Variants in ABCB11 observed in about 807,000 individuals in gnomAD.
The protein encoded by ABCB11 is bile salt export pump.
ABCB11 carries 95 observed loss-of-function variants against 148.0 expected under a neutral mutation model. The observed-to-expected ratio is 0.64, with a 90% confidence interval of 0.54 to 0.76. ABCB11 has a LOEUF of 0.76. Among genes scored for constraint, ABCB11 ranks in the 30% least tolerant of loss-of-function variants. ABCB11 has a pLI of 0.00. For synonymous variants in ABCB11, 591 were observed against 555.4 expected, an observed-to-expected ratio of 1.06 and a Z score of -0.90; for missense variants, 1,523 against 1,617.8, an observed-to-expected ratio of 0.94 and a Z score of 1.01.
rs576821034 is a variant in ABCB11, at chr2:169,018,286, C to T, written c.-27-134G>A. The T allele has an allele frequency of 4.8e-4, 352 of 733,254 alleles. 1 individual carries two copies. Among genetic ancestry groups the T allele is most frequent in the Non-Finnish European group, 6.3e-4 (286 of 457,402 alleles). The allele number at this position is 733,254 out of a possible 1,614,324, so 45.4% of individuals were successfully genotyped here. ...CAATCTCAGACAAAAGTTTTAAAAT[C>T]GGTTAATAACTCCCTGAAAGAGCCT... On this transcript the variant is annotated intron_variant, in intron 1 of 27. Transcript: ENST00000650372.
At chr2:168,994,466 C>T (rs1410684731) in intron 7 of ABCB11, among the ~76,000 whole-genome samples, 1 of 152,048 alleles carries the variant, frequency 6.6e-6, no homozygotes. Flanking sequence ...AGTTACTTAA[C>T]CTTTTTGTGG....
At position 168,973,845 on chromosome 2, in the gene ABCB11, A is replaced by G. The variant is rs1248856155; in HGVS notation, c.1309-5T>C. ...CATGTTGAGGTCATTTAGAATCTGG[A>G]GAAGAAAGAAAACAGCAAAGTTCAG... On this transcript the variant is annotated splice_region_variant and splice_polypyrimidine_tract_variant and intron_variant, in intron 12 of 27. Transcript: ENST00000650372. 1.2e-6 allele frequency: 2 copies of G among 1,610,474 alleles called. No homozygotes were observed. The highest frequency in any genetic ancestry group is 1.7e-6 in the Non-Finnish European group (2 of 1,177,444).
In ABCB11 at chr2:168,973,810, GT is replaced by G; in HGVS notation, c.1338del (p.Lys446AsnfsTer5). On this transcript the variant is annotated frameshift_variant, in exon 13 of 28. Transcript: ENST00000650372. LOFTEE classifies it high-confidence loss of function. ...CCTACCAGAGCTGTCATTTCCCCTGGTTTAATGACCATGTTGAGGTCATTTA... is the reference window on the plus strand; with the variant it reads ...CCTACCAGAGCTGTCATTTCCCCTGGTTAATGACCATGTTGAGGTCATTTA... ...KILNDLNMVI[K>X]PGEMTALVGP... 1 of 1,611,958 alleles carries G rather than the reference GT, an allele frequency of 6.2e-7. No individual in the cohort carries two copies. Among genetic ancestry groups the G allele is most frequent in the East Asian group, 2.2e-5 (1 of 44,802 alleles).
rs1406499061 is a variant in ABCB11, at chr2:168,975,316, G to T, written c.1308+1261C>A. 3.9e-3 allele frequency among the ~76,000 whole-genome samples: 138 copies of T among 35,346 alleles called. 39 individuals are homozygous for T. Among genetic ancestry groups the T allele is most frequent in the Admixed American group, 0.013 (52 of 4,082 alleles). 23.2% of individuals were successfully genotyped at this position (35,346 alleles called of 152,430 possible). A position where few individuals can be genotyped will look rare whatever the true frequency, so the allele number is the denominator to read the frequency against. ...ATATTTTTATATTTAAATATTTATA[G>T]ATAAATATATAAATATATAAATATT... On this transcript the variant is annotated intron_variant, in intron 12 of 27. Coordinates refer to ENST00000650372, the MANE Select transcript of ABCB11 (RefSeq NM_003742.4).
At chr2:168,945,399 G>A (rs1010509569) in intron 19 of ABCB11, among the ~76,000 whole-genome samples, 4 of 151,892 alleles carry the variant, frequency 2.6e-5, no homozygotes, top group African/African-American at 4.8e-5. Flanking sequence ...AAAACCTGGT[G>A]AATGAAAACC....
intron 14 of ABCB11, among the ~76,000 whole-genome samples, chr2:168,970,870 G>C (rs1440067684): frequency 3.9e-5 from 6 of 151,974 alleles, no homozygotes; most frequent in African/African-American, 1.4e-4. Flanking sequence ...TGCAACTGAT[G>C]AATAAGGAAA....
rs559556918 is a variant in ABCB11, at chr2:168,922,520, G to C, written c.*1102C>G. ...TTTTACATCTTGAAACTTTCTAGGGGTCTGTGGTACAAAACAGGATGTTTC... is the reference window on the plus strand; with the variant it reads ...TTTTACATCTTGAAACTTTCTAGGGCTCTGTGGTACAAAACAGGATGTTTC... On this transcript the variant is annotated 3_prime_UTR_variant, in exon 28 of 28. Transcript: ENST00000650372. Among the ~76,000 whole-genome samples the C allele has an allele frequency of 6.6e-6, 1 of 152,108 alleles. No homozygotes were observed. The highest frequency in any genetic ancestry group is 2.1e-4 in the South Asian group (1 of 4,826).
intron 15 of ABCB11, 131 bp from the exon 16 acceptor site, chr2:168,969,682 G>C: frequency 2.4e-6 from 2 of 848,754 alleles, no homozygotes; most frequent in South Asian, 3.7e-5. Context: ...AGGCTGTGCA[G>C]ACATTAGAAA....
intron 9 of ABCB11, among the ~76,000 whole-genome samples, chr2:168,988,172 T>A (rs966242682): frequency 3.9e-5 from 6 of 152,150 alleles, no homozygotes; most frequent in African/African-American, 1.2e-4. Context: ...TTAAAACAAC[T>A]ACAATTAGAT....
intron 9 of ABCB11, among the ~76,000 whole-genome samples, chr2:168,987,260 G>A (rs925809657): frequency 6.6e-6 from 1 of 151,990 alleles, no homozygotes; most frequent in African/African-American, 2.4e-5. Flanking sequence ...CTATTCAGTT[G>A]GTAGCTATTT....
intron 5 of ABCB11, among the ~76,000 whole-genome samples, chr2:169,010,379 C>A (rs1255391881): frequency 6.6e-6 from 1 of 152,070 alleles, no homozygotes; most frequent in African/African-American, 2.4e-5. Flanking sequence ...ACTCTGTAAT[C>A]CTTATCAGTG....
chr2:169,002,442 T>C (rs1694904587), intron 5 of ABCB11, among the ~76,000 whole-genome samples: 1 of 152,164 alleles, frequency 6.6e-6, no homozygotes, highest in Non-Finnish European at 1.5e-5. Context: ...AGCAATCCTA[T>C]ACTGGGTATA....
In ABCB11 at chr2:169,006,426, C is replaced by T. The variant is rs72623183; in HGVS notation, c.389+6846G>A. Among the ~76,000 whole-genome samples, 2,258 of 152,212 alleles carry T rather than the reference C, an allele frequency of 0.015. 244 individuals carry two copies. The East Asian group carries it at 0.29, about 20-fold the overall frequency. ...AAGGACACTTGTGAAAAAGTCATAGCTAATGCCATACTTAATGGTGAAAGA... is the reference window on the plus strand; with the variant it reads ...AAGGACACTTGTGAAAAAGTCATAGTTAATGCCATACTTAATGGTGAAAGA... On this transcript the variant is annotated intron_variant, in intron 5 of 27. Coordinates refer to ENST00000650372, the MANE Select transcript of ABCB11 (RefSeq NM_003742.4).
chr2:168,924,842 T>G, intron 26 of ABCB11, 39 bp from the exon 27 acceptor site: 1 of 1,585,944 alleles, frequency 6.3e-7, no homozygotes, highest in Non-Finnish European at 8.6e-7. Context: ...ATAGAAACAG[T>G]TATTGCTCCT....
At chr2:169,010,860 G>T (rs1372563719) in intron 5 of ABCB11, among the ~76,000 whole-genome samples, 2 of 152,104 alleles carry the variant, frequency 1.3e-5, no homozygotes, top group Non-Finnish European at 2.9e-5. Context: ...GCCTAGAAAG[G>T]TATAGTCTAT....
intron 21 of ABCB11, 66 bp from the exon 22 acceptor site, chr2:168,936,499 A>C: frequency 1.4e-6 from 2 of 1,472,098 alleles, no homozygotes; most frequent in South Asian, 2.3e-5. Context: ...ACCATTACAC[A>C]AAAAGGTCAG....
chr2:168,976,685 T>C lies in ABCB11; in HGVS notation c.1200A>G (p.Lys400=), dbSNP rs1693921444. 1 of 1,601,390 alleles carries C rather than the reference T, an allele frequency of 6.2e-7. No homozygotes were observed. The highest frequency in any genetic ancestry group is 8.6e-7 in the Non-Finnish European group (1 of 1,169,284). Residue 400 remains lysine (K), a splice_region_variant and synonymous_variant, in exon 12 of 28, where the codon AAA becomes AAG. Transcript: ENST00000650372. The part of the protein sequence containing the change: ...ATSIFETIDR[K]PIIDCMSEDG... ...CTTCTGACATGCAGTCAATGATGGG[T>C]TTCTGGAGTGAAATACAAAAGGGAC...
chr2:169,016,705 C>T (rs1695367419), intron 3 of ABCB11, 73 bp downstream of exon 3: 1 of 1,259,682 alleles, frequency 7.9e-7, no homozygotes, highest in Non-Finnish European at 1.1e-6. Flanking sequence ...GTATTCTCTG[C>T]TTTGTGCCTT....
Position 168,990,940 on chromosome 2 carries a change from G to A in ABCB11, c.784-15C>T. The stretch of plus-strand genomic sequence containing the variant: ...TTGGACACACTCTAAAAATCAAAAA[G>A]AAGAAAAGAAAATGTGAAGTCCAAG... On this transcript the variant is annotated splice_polypyrimidine_tract_variant and intron_variant, in intron 8 of 27. Transcript: ENST00000650372. 6.2e-7 allele frequency: 1 copy of A among 1,607,734 alleles called. No homozygotes were observed. The highest frequency in any genetic ancestry group is 8.5e-7 in the Non-Finnish European group (1 of 1,177,714).
Sources: allele counts gnomAD v4.1 joint callset (sites outside exome capture counted in the v4.1 genomes callset), GRCh38; gene constraint gnomAD v4.1.1; transcripts MANE v1.5; gene names NCBI Gene and HGNC (gene_info 2026-07-23, HGNC 2026-07-21).